Variants in SORCS2 observed in about 807,000 individuals in gnomAD.
SORCS2 encodes the protein VPS10 domain-containing receptor SorCS2.
A neutral mutation model predicts 141.6 loss-of-function variants in SORCS2; 100 were observed. The ratio of observed to expected loss-of-function variants is 0.71; its 90% CI spans 0.60 to 0.83. The LOEUF (loss-of-function observed/expected upper bound fraction) is 0.83. Among genes scored for constraint, SORCS2 ranks in the 40% least tolerant of loss-of-function variants. SORCS2 has a pLI of 0.00. For missense variants in SORCS2, 1,646 were observed against 1,560.2 expected (o/e 1.05, Z -0.93); for synonymous variants, 789 against 676.9 (o/e 1.17, Z -2.57).
At chr4:7,374,319 C>T (rs1280115514) in intron 1 of SORCS2, among the ~76,000 whole-genome samples, 3 of 151,990 alleles carry the variant, frequency 2.0e-5, no homozygotes, top group Admixed American at 1.3e-4. Flanking sequence ...CCCAGCAAGG[C>T]TTGTGGGGAA....
At chr4:7,445,808 CAG>C (rs1409089300) in intron 2 of SORCS2, among the ~76,000 whole-genome samples, 1 of 152,102 alleles carries the variant, frequency 6.6e-6, no homozygotes, top group Non-Finnish European at 1.5e-5. Context: ...TACAGGACTC[CAG>C]AGAGGCCCAG....
intron 4 of SORCS2, among the ~76,000 whole-genome samples, chr4:7,641,924 GGATGGATAGAT>G (rs1478937178): frequency 8.9e-6 from 1 of 112,320 alleles, no homozygotes; most frequent in Non-Finnish European, 2.0e-5. Flanking sequence ...GTGGACAGAT[GGATGGATAGAT>G]GATGGATGGA....
chr4:7,513,858 C>T (rs1732810007), intron 2 of SORCS2, among the ~76,000 whole-genome samples: 1 of 152,186 alleles, frequency 6.6e-6, no homozygotes, highest in South Asian at 2.1e-4. Flanking sequence ...AATTTCCCCG[C>T]CTTTGGTTTG....
intron 18 of SORCS2, among the ~76,000 whole-genome samples, chr4:7,723,496 C>T (rs1344757394): frequency 6.6e-6 from 1 of 152,200 alleles, no homozygotes; most frequent in Non-Finnish European, 1.5e-5. Flanking sequence ...AAACCAGCTG[C>T]CTTGGTCAGC....
At chr4:7,374,976 T>C (rs984459680) in intron 1 of SORCS2, among the ~76,000 whole-genome samples, 14 of 152,158 alleles carry the variant, frequency 9.2e-5, no homozygotes, top group Non-Finnish European at 7.4e-5. Flanking sequence ...TTCAGGCAAA[T>C]TGACATTTGT....
chr4:7,537,730 G>A (rs958358009), intron 3 of SORCS2, among the ~76,000 whole-genome samples: 1 of 152,166 alleles, frequency 6.6e-6, no homozygotes, highest in Non-Finnish European at 1.5e-5. Flanking sequence ...AAGGGCGGCC[G>A]GATGCAGTGT....
chr4:7,203,789 G>A (rs1448767011), intron 1 of SORCS2, among the ~76,000 whole-genome samples: 2 of 152,098 alleles, frequency 1.3e-5, no homozygotes, highest in African/African-American at 2.4e-5. Flanking sequence ...CTTCCCAAAT[G>A]GAAACTCTGC....
At chr4:7,305,801 C>T (rs933031950) in intron 1 of SORCS2, among the ~76,000 whole-genome samples, 7 of 152,198 alleles carry the variant, frequency 4.6e-5, no homozygotes, top group African/African-American at 7.2e-5. Context: ...GGCCCGGGCA[C>T]GCCCATACTC....
chr4:7,441,277 G>A (rs925911238), intron 2 of SORCS2, among the ~76,000 whole-genome samples: 46 of 152,282 alleles, frequency 3.0e-4, no homozygotes, highest in African/African-American at 8.2e-4. Flanking sequence ...GGAAAGAGCC[G>A]CACCCCAGGT....
At chr4:7,336,102 T>C (rs1418576429) in intron 1 of SORCS2, among the ~76,000 whole-genome samples, 1 of 152,202 alleles carries the variant, frequency 6.6e-6, no homozygotes, top group East Asian at 1.9e-4. Flanking sequence ...ATTGCCAGCT[T>C]CCGCGTCCCC....
intron 3 of SORCS2, among the ~76,000 whole-genome samples, chr4:7,560,051 G>T (rs980777180): frequency 6.6e-6 from 1 of 152,194 alleles, no homozygotes; most frequent in African/African-American, 2.4e-5. Context: ...TGGAGGCCCT[G>T]GCCTGAATTC....
chr4:7,250,738 G>T (rs1381502794), intron 1 of SORCS2, among the ~76,000 whole-genome samples: 1 of 152,280 alleles, frequency 6.6e-6, no homozygotes, highest in Non-Finnish European at 1.5e-5. Flanking sequence ...TGGGCAGGCA[G>T]CGCTTTTGCG....
At chr4:7,423,211 G>A (rs954653125) in intron 2 of SORCS2, among the ~76,000 whole-genome samples, 3 of 152,068 alleles carry the variant, frequency 2.0e-5, no homozygotes, top group South Asian at 2.1e-4. Flanking sequence ...GATCATAACC[G>A]CTCAGGCCTT....
At chr4:7,292,637 C>T (rs1412800944) in intron 1 of SORCS2, among the ~76,000 whole-genome samples, 1 of 152,180 alleles carries the variant, frequency 6.6e-6, no homozygotes, top group South Asian at 2.1e-4. Flanking sequence ...GGATCACTGA[C>T]TGGGAGCAAA....
chr4:7,455,829 A>C (rs1350005060), intron 2 of SORCS2, among the ~76,000 whole-genome samples: 1 of 152,182 alleles, frequency 6.6e-6, no homozygotes, highest in African/African-American at 2.4e-5. Flanking sequence ...TGTTGGGGTC[A>C]TGCTCTGTAC....
intron 4 of SORCS2, among the ~76,000 whole-genome samples, chr4:7,642,684 A>G (rs1001530968): frequency 6.6e-6 from 1 of 152,180 alleles, no homozygotes; most frequent in African/African-American, 2.4e-5. Context: ...CCAAGCCTCA[A>G]TGGCTTACAG....
intron 1 of SORCS2, among the ~76,000 whole-genome samples, chr4:7,257,883 C>T (rs1577328833): frequency 6.6e-6 from 1 of 152,150 alleles, no homozygotes; most frequent in African/African-American, 2.4e-5. Flanking sequence ...GGGAGGAAGG[C>T]GAGGATGGGG....
rs138306037 is a variant in SORCS2 at position 7,276,584 on chromosome 4, G to T, written c.480+83458G>T. On this transcript the variant is annotated intron_variant, in intron 1 of 26. Transcript: ENST00000507866. Reference sequence around the variant, plus strand: ...TCCTGCCTCCCCCGCTCCAGGCCCCGGGAAACGCACTGGAAACTCAGGTGG... The same window carrying T: ...TCCTGCCTCCCCCGCTCCAGGCCCCTGGAAACGCACTGGAAACTCAGGTGG... Among the ~76,000 whole-genome samples the T allele has an allele frequency of 2.0e-5, 3 of 152,202 alleles. No homozygotes were observed. In the South Asian group the frequency reaches 6.2e-4, roughly 32 times the overall value.
chr4:7,626,646 AAC>A (rs1719532674), intron 3 of SORCS2, among the ~76,000 whole-genome samples: 1 of 152,224 alleles, frequency 6.6e-6, no homozygotes, highest in Non-Finnish European at 1.5e-5. Flanking sequence ...TAAACACATA[AAC>A]ACATCCACAT....
Sources: allele counts gnomAD v4.1 joint callset (sites outside exome capture counted in the v4.1 genomes callset), GRCh38; gene constraint gnomAD v4.1.1; transcripts MANE v1.5; gene names NCBI Gene and HGNC (gene_info 2026-07-23, HGNC 2026-07-21).